The following MAGI1 variants were observed in gnomAD, a reference collection of about 807,000 sequenced individuals.
The protein encoded by MAGI1 is membrane-associated guanylate kinase, WW and PDZ domain-containing protein 1.
A neutral mutation model predicts 139.9 loss-of-function variants in MAGI1; 58 were observed. That is an observed-to-expected ratio of 0.41 (90% CI 0.34 to 0.52). The LOEUF (loss-of-function observed/expected upper bound fraction) is 0.52, where lower values mean the gene tolerates loss of function less well. Among genes scored for constraint, MAGI1 ranks in the 20% least tolerant of loss-of-function variants. MAGI1 has a pLI of 0.12. For synonymous variants in MAGI1, 812 were observed against 737.9 expected, an observed-to-expected ratio of 1.10 and a Z score of -1.63; for missense variants, 1,874 against 1,901.6, an observed-to-expected ratio of 0.99 and a Z score of 0.27.
In MAGI1 at chr3:65,356,849, G is replaced by A. The variant is rs1433118494; in HGVS notation, c.3918C>T (p.Asp1306=). 2 of 1,613,760 alleles carry A rather than the reference G, an allele frequency of 1.2e-6. No individual in the cohort carries two copies. Among genetic ancestry groups the A allele is most frequent in the Non-Finnish European group, 1.7e-6 (2 of 1,179,756 alleles). ...PKDRAPEGRR[D]AQAERAAAAN... is the part of the protein sequence containing the mutation. ...CGGCTGCCGCGCGCTCGGCCTGCGC[G>A]TCCCTCCGTCCCTCCGGCGCCCGGT... The change falls in exon 23 of 23, where the codon GAC becomes GAT. Residue 1306 remains aspartate, a synonymous_variant. Transcript: ENST00000402939.
At chr3:65,526,744 T>G (rs2078398897) in intron 2 of MAGI1, among the ~76,000 whole-genome samples, 1 of 152,196 alleles carries the variant, frequency 6.6e-6, no homozygotes, top group Admixed American at 6.5e-5. Context: ...CCTGACTCTT[T>G]CAGTGCTATG....
At chr3:65,602,042 T>C (rs892638984) in intron 2 of MAGI1, among the ~76,000 whole-genome samples, 2 of 152,134 alleles carry the variant, frequency 1.3e-5, no homozygotes, top group Non-Finnish European at 2.9e-5. Context: ...ATCCCATTCA[T>C]ACCCACTAAA....
chr3:65,648,316 T>TGTGC (rs71102873), intron 1 of MAGI1, among the ~76,000 whole-genome samples: 8,037 of 143,126 alleles, frequency 0.056, 712 homozygotes, highest in African/African-American at 0.19. Flanking sequence ...TGTGTGTGTG[T>TGTGC]GCGCGTGCGC....
chr3:65,489,631 T>A (rs951506494), intron 3 of MAGI1, among the ~76,000 whole-genome samples: 1 of 152,166 alleles, frequency 6.6e-6, no homozygotes, highest in Non-Finnish European at 1.5e-5. Flanking sequence ...ACTCATTCAC[T>A]GGGACACTAT....
intron 14 of MAGI1, among the ~76,000 whole-genome samples, chr3:65,389,799 G>A (rs1047252544): frequency 6.6e-6 from 1 of 152,178 alleles, no homozygotes; most frequent in Admixed American, 6.5e-5. Context: ...TGTCAGCAGA[G>A]TGAACTTGTA....
At chr3:66,029,848 C>G (rs2068499324) in intron 1 of MAGI1, among the ~76,000 whole-genome samples, 1 of 152,184 alleles carries the variant, frequency 6.6e-6, no homozygotes, top group Non-Finnish European at 1.5e-5. Flanking sequence ...TGTGCACAGA[C>G]CTATCCCTAA....
In MAGI1 at chr3:65,493,571, A is replaced by G. The variant is rs1327632420; in HGVS notation, c.491T>C (p.Val164Ala). ...CTGCTCGAGGTCCAAGAACTCCTTC[A>G]CAGTCAGAAAGTTATAGTCCACGCC... The part of the protein sequence containing the change: ...VPGVDYNFLT[V>A]KEFLDLEQSG... Residue 164 changes from valine (V) to alanine (A), a missense_variant, in exon 3 of 23, where the codon GTG (valine) becomes GCG (alanine). Val to Ala is a moderately conservative substitution (Grantham distance 64). This residue lies in a region of MAGI1 where 648 missense variants were observed against 598.1 expected (regional missense o/e 1.08). Coordinates refer to ENST00000402939, the MANE Select transcript of MAGI1 (RefSeq NM_001033057.2). 1.9e-6 allele frequency: 3 copies of G among 1,614,096 alleles called. No individual in the cohort carries two copies. In the East Asian group the frequency reaches 6.7e-5, roughly 36 times the overall value.
At chr3:65,989,310 G>T (rs111910980) in intron 1 of MAGI1, among the ~76,000 whole-genome samples, 6 of 152,282 alleles carry the variant, frequency 3.9e-5, no homozygotes, top group African/African-American at 1.2e-4. Context: ...CTGGCTGCAC[G>T]CTAGACTTGT....
At chr3:65,691,129 C>G (rs543893825) in intron 1 of MAGI1, among the ~76,000 whole-genome samples, 3 of 151,632 alleles carry the variant, frequency 2.0e-5, no homozygotes, top group Non-Finnish European at 2.9e-5. Context: ...GGGGAAACCC[C>G]GTCTCTACTA....
intron 1 of MAGI1, among the ~76,000 whole-genome samples, chr3:65,926,858 G>C (rs570439536): frequency 1.5e-4 from 23 of 152,208 alleles, no homozygotes; most frequent in Non-Finnish European, 2.4e-4. Context: ...TGCTGGGCGC[G>C]GTGGTGCACA....
chr3:65,490,861 A>AAAAAAAG (rs1553652878), intron 3 of MAGI1, among the ~76,000 whole-genome samples: 3 of 149,836 alleles, frequency 2.0e-5, no homozygotes, highest in African/African-American at 7.4e-5. Flanking sequence ...AAAAAAAGAA[A>AAAAAAAG]AAAGAAAGAA....
At chr3:66,020,873 CT>C (rs1172574222) in intron 1 of MAGI1, among the ~76,000 whole-genome samples, 1 of 152,128 alleles carries the variant, frequency 6.6e-6, no homozygotes, top group East Asian at 1.9e-4. Flanking sequence ...AACATCACCC[CT>C]AACCTACTTC....
chr3:66,011,919 C>T lies in MAGI1; in HGVS notation c.313+26077G>A, dbSNP rs1395127742. On this transcript the variant is annotated intron_variant, in intron 1 of 22. Transcript: ENST00000402939. ...TAAGTTATTTGGATTGTCCTTTTTT[C>T]AAGGTCAAGTAAAATGCAATTCTAG... Among the ~76,000 whole-genome samples the T allele has an allele frequency of 2.7e-5, 4 of 150,052 alleles. No homozygotes were observed. The South Asian group carries it at 8.4e-4, about 31-fold the overall frequency.
chr3:65,628,454 C>A (rs545545633), intron 1 of MAGI1, among the ~76,000 whole-genome samples: 2 of 152,232 alleles, frequency 1.3e-5, no homozygotes, highest in African/African-American at 4.8e-5. Context: ...TGGCATTACA[C>A]AGGACACACA....
At chr3:65,651,529 C>T (rs144438043) in intron 1 of MAGI1, among the ~76,000 whole-genome samples, 16 of 152,158 alleles carry the variant, frequency 1.1e-4, no homozygotes, top group East Asian at 7.7e-4. Context: ...CTGTATATTG[C>T]GGCATGTGGA....
intron 1 of MAGI1, among the ~76,000 whole-genome samples, chr3:65,971,331 G>A (rs76477046): frequency 0.021 from 3,262 of 152,300 alleles, 127 homozygotes; most frequent in African/African-American, 0.075. Flanking sequence ...AGAGTCTATG[G>A]ATTATGGTCT....
intron 1 of MAGI1, among the ~76,000 whole-genome samples, chr3:65,743,119 T>C (rs941152522): frequency 1.3e-5 from 2 of 152,190 alleles, no homozygotes; most frequent in African/African-American, 4.8e-5. Context: ...ACAAAGATGA[T>C]TCATACCACA....
intron 1 of MAGI1, chr3:65,687,919 G>A (rs2088201875): frequency 5.9e-6 from 4 of 675,680 alleles, no homozygotes; most frequent in South Asian, 1.4e-5. Flanking sequence ...GCAGCCATTC[G>A]GCATGCCCGC....
chr3:66,021,610 A>T (rs1022804470), intron 1 of MAGI1, among the ~76,000 whole-genome samples: 2 of 152,166 alleles, frequency 1.3e-5, no homozygotes, highest in African/African-American at 4.8e-5. Flanking sequence ...GACTTGCCAC[A>T]TTCAGCCAGA....
Sources: gnomAD v4.1 joint callset for allele counts (sites outside exome capture counted in the v4.1 genomes callset) on GRCh38, gnomAD v4.1.1 for gene constraint, gnomAD v4.1.1 regional missense constraint, MANE v1.5 for transcripts, NCBI Gene and HGNC (gene_info 2026-07-23, HGNC 2026-07-21) for gene names.